The following OTUD7A variants were observed in gnomAD, a reference collection of about 807,000 sequenced individuals.
OTUD7A encodes the protein OTU domain-containing protein 7A.
OTUD7A carries 12 observed loss-of-function variants against 65.7 expected under a neutral mutation model. That is an observed-to-expected ratio of 0.18 (90% CI 0.12 to 0.30). The LOEUF (loss-of-function observed/expected upper bound fraction) is 0.30. Among genes scored for constraint, OTUD7A ranks in the 10% least tolerant of loss-of-function variants. OTUD7A has a pLI of 1.00. For synonymous variants in OTUD7A, 641 were observed against 586.3 expected (o/e 1.09, Z -1.35); for missense variants, 1,148 against 1,304.8 (o/e 0.88, Z 1.85).
At chr15:31,670,503 G>A (rs1169277389) in intron 1 of OTUD7A, among the ~76,000 whole-genome samples, 3 of 152,276 alleles carry the variant, frequency 2.0e-5, no homozygotes, top group African/African-American at 7.2e-5. Context: ...TCTCATTGCA[G>A]TTTTGCTTTG....
chr15:31,623,373 C>G (rs1431586966), intron 3 of OTUD7A, among the ~76,000 whole-genome samples: 1 of 152,230 alleles, frequency 6.6e-6, no homozygotes, highest in African/African-American at 2.4e-5. Flanking sequence ...GTGGAGTCTA[C>G]AGAGGCAGGC....
chr15:31,780,337 C>T (rs1475049093), intron 1 of OTUD7A, among the ~76,000 whole-genome samples: 2 of 152,132 alleles, frequency 1.3e-5, no homozygotes, highest in Non-Finnish European at 2.9e-5. Flanking sequence ...TAAGAAATGG[C>T]TGTCTTTTGG....
chr15:31,808,190 C>G (rs1377517106), intron 1 of OTUD7A, among the ~76,000 whole-genome samples: 1 of 148,898 alleles, frequency 6.7e-6, no homozygotes, highest in East Asian at 2.0e-4. Flanking sequence ...AAACACAACT[C>G]AAGAATTGAC....
Position 31,564,387 on chromosome 15 carries a change from G to GTTTTTTTTTTTTTTTTTTTTTTTTTTT in OTUD7A, c.332-5201_332-5200insAAAAAAAAAAAAAAAAAAAAAAAAAAA, listed in dbSNP as rs398026753. Among the ~76,000 whole-genome samples, 49 of 119,900 alleles carry GTTTTTTTTTTTTTTTTTTTTTTTTTTT rather than the reference G, an allele frequency of 4.1e-4. 2 individuals are homozygous for GTTTTTTTTTTTTTTTTTTTTTTTTTTT. The highest frequency in any genetic ancestry group is 5.0e-4 in the Non-Finnish European group (27 of 53,680). 78.7% of individuals were successfully genotyped at this position (119,900 alleles called of 152,430 possible). On this transcript the variant is annotated intron_variant, in intron 4 of 12. Coordinates refer to ENST00000307050, the MANE Select transcript of OTUD7A (RefSeq NM_001382637.1). ...TTTTTGGAAGTAGTCTTTGAGGAAGGTTTTTTTTTTTTTAGCAAAAGAGAA... is the reference window on the plus strand; with the variant it reads ...TTTTTGGAAGTAGTCTTTGAGGAAGGTTTTTTTTTTTTTTTTTTTTTTTTTTTTTTTTTTTTTTTTAGCAAAAGAGAA...
At chr15:31,696,285 G>A (rs1299305442) in intron 1 of OTUD7A, among the ~76,000 whole-genome samples, 2 of 136,818 alleles carry the variant, frequency 1.5e-5, no homozygotes, top group Non-Finnish European at 3.2e-5. Flanking sequence ...CATTTTGAGC[G>A]TGCCTGCTGG....
At chr15:31,616,481 T>C (rs1211645290) in intron 3 of OTUD7A, among the ~76,000 whole-genome samples, 1 of 152,194 alleles carries the variant, frequency 6.6e-6, no homozygotes, top group Non-Finnish European at 1.5e-5. Context: ...TTATGACCCA[T>C]GGGCCAATTC....
At chr15:31,676,736 G>C (rs866176843) in intron 1 of OTUD7A, among the ~76,000 whole-genome samples, 2 of 152,270 alleles carry the variant, frequency 1.3e-5, no homozygotes, top group South Asian at 4.1e-4. Flanking sequence ...TGACACACGT[G>C]GGGAATCCCA....
At chr15:31,794,962 T>C (rs1895914709) in intron 1 of OTUD7A, among the ~76,000 whole-genome samples, 1 of 152,254 alleles carries the variant, frequency 6.6e-6, no homozygotes. Context: ...TAGTCATTGG[T>C]CTGATTTTGA....
At chr15:31,839,952 A>C (rs375191164) in intron 1 of OTUD7A, among the ~76,000 whole-genome samples, 10 of 1,808 alleles carry the variant, frequency 5.5e-3, no homozygotes, top group Non-Finnish European at 9.3e-3. Flanking sequence ...CTTTAAAAAA[A>C]CTTTTTTTTG....
intron 10 of OTUD7A, among the ~76,000 whole-genome samples, chr15:31,491,174 T>C (rs1460914276): frequency 6.7e-6 from 1 of 150,026 alleles, no homozygotes; most frequent in Non-Finnish European, 1.5e-5. Flanking sequence ...AAGCAGTTTA[T>C]AGAACAAGAC....
At chr15:31,801,859 A>G (rs1238669576) in intron 1 of OTUD7A, among the ~76,000 whole-genome samples, 1 of 152,156 alleles carries the variant, frequency 6.6e-6, no homozygotes, top group Non-Finnish European at 1.5e-5. Context: ...TTTTATTTAT[A>G]TATTTTTATA....
At chr15:31,739,475 A>C (rs1346768671) in intron 1 of OTUD7A, among the ~76,000 whole-genome samples, 7 of 152,272 alleles carry the variant, frequency 4.6e-5, no homozygotes, top group Non-Finnish European at 1.0e-4. Flanking sequence ...CTTTAGACTT[A>C]ATTAGATAAA....
intron 1 of OTUD7A, among the ~76,000 whole-genome samples, chr15:31,833,753 A>G (rs543110079): frequency 6.6e-6 from 1 of 152,370 alleles, no homozygotes; most frequent in East Asian, 1.9e-4. Context: ...TCCTCACTTC[A>G]GTATTTTGAG....
intron 3 of OTUD7A, among the ~76,000 whole-genome samples, chr15:31,600,924 T>C (rs999491652): frequency 1.3e-5 from 2 of 152,164 alleles, no homozygotes; most frequent in East Asian, 1.9e-4. Flanking sequence ...CCTAAATATA[T>C]ATGCACCTAA....
At chr15:31,640,400 G>C (rs1489514809) in intron 3 of OTUD7A, among the ~76,000 whole-genome samples, 1 of 151,274 alleles carries the variant, frequency 6.6e-6, no homozygotes, top group Non-Finnish European at 1.5e-5. Context: ...AATAACCTAC[G>C]GAAATAAAAA....
intron 8 of OTUD7A, among the ~76,000 whole-genome samples, chr15:31,509,193 TGTTTA>T (rs954835168): frequency 8.5e-5 from 13 of 152,156 alleles, no homozygotes; most frequent in African/African-American, 3.1e-4. Context: ...TTTATTTTAA[TGTTTA>T]GTTTACAGAA....
intron 3 of OTUD7A, among the ~76,000 whole-genome samples, chr15:31,618,527 C>CA (rs1890668815): frequency 6.6e-6 from 1 of 152,082 alleles, no homozygotes; most frequent in East Asian, 1.9e-4. Context: ...CTCTGATGGC[C>CA]AATGATGATG....
intron 1 of OTUD7A, among the ~76,000 whole-genome samples, chr15:31,813,835 T>C (rs1407683643): frequency 1.3e-5 from 2 of 152,224 alleles, no homozygotes; most frequent in Non-Finnish European, 2.9e-5. Context: ...GCCCAATTCC[T>C]GCCTCCGCAG....
chr15:31,719,717 C>G (rs990516504), intron 1 of OTUD7A, among the ~76,000 whole-genome samples: 1 of 152,184 alleles, frequency 6.6e-6, no homozygotes, highest in African/African-American at 2.4e-5. Flanking sequence ...TCTGCCCAGG[C>G]CTCTCCAATG....
Sources: allele counts gnomAD v4.1 joint callset (sites outside exome capture counted in the v4.1 genomes callset), GRCh38; gene constraint gnomAD v4.1.1; transcripts MANE v1.5; gene names NCBI Gene and HGNC (gene_info 2026-07-23, HGNC 2026-07-21).